METTL2A: variants seen among roughly 807,000 people sequenced by gnomAD.
METTL2A encodes tRNA N(3)-cytidine methyltransferase METTL2A.
A neutral mutation model predicts 49.4 loss-of-function variants in METTL2A; 45 were observed. The observed-to-expected ratio is 0.91, with a 90% CI of 0.72 to 1.17. The LOEUF is 1.17. METTL2A is among the 50% of genes most tolerant of loss of function. The pLI is 0.00. For missense variants in METTL2A, 361 were observed against 462.2 expected (o/e 0.78, Z 2.01); for synonymous variants, 118 against 167.5 (o/e 0.70, Z 2.28).
intron 4 of METTL2A, among the ~76,000 whole-genome samples, chr17:62,428,369 G>A (rs958317438): frequency 1.3e-5 from 2 of 152,194 alleles, no homozygotes; most frequent in Non-Finnish European, 2.9e-5. Flanking sequence ...AATGTGCGGG[G>A]TTTTTGCCAA....
chr17:62,426,283 T>C lies in METTL2A; in HGVS notation c.203-16T>C, dbSNP rs769011137. 2 of 1,538,794 alleles carry C rather than the reference T, an allele frequency of 1.3e-6. No individual in the cohort carries two copies. The highest frequency in any genetic ancestry group is 1.2e-5 in the South Asian group (1 of 83,984). On this transcript the variant is annotated splice_polypyrimidine_tract_variant and intron_variant, in intron 2 of 8. Transcript: ENST00000311506. ...TTGAGAGCTGGTTCTTAAAATTTTT[T>C]CTTAAATATTTACAGTTGATTATGA...
At chr17:62,445,091 A>G (rs2070760167) in intron 7 of METTL2A, 148 bp downstream of exon 7, 1 of 837,044 alleles carries the variant, frequency 1.2e-6, no homozygotes, top group Admixed American at 2.4e-5. Flanking sequence ...GGAGTTGAAC[A>G]ATGAGAACAC....
At chr17:62,428,323 G>A (rs2070642200) in intron 4 of METTL2A, among the ~76,000 whole-genome samples, 1 of 152,154 alleles carries the variant, frequency 6.6e-6, no homozygotes, top group East Asian at 1.9e-4. Flanking sequence ...AAAACACACT[G>A]GTTTTGTGTA....
chr17:62,427,176 G>A (rs1416122362), intron 3 of METTL2A, among the ~76,000 whole-genome samples: 5 of 152,126 alleles, frequency 3.3e-5, no homozygotes, highest in East Asian at 1.9e-4. Context: ...TGGGGACTGC[G>A]CACGTTACTG....
At chr17:62,437,989 T>C in intron 5 of METTL2A, among the ~76,000 whole-genome samples, 1 of 145,658 alleles carries the variant, frequency 6.9e-6, no homozygotes, top group African/African-American at 2.7e-5. Context: ...AAAAAATGTG[T>C]CTGTTACAAT....
At chr17:62,442,878 T>C (rs757511518) in intron 6 of METTL2A, among the ~76,000 whole-genome samples, 15 of 152,160 alleles carry the variant, frequency 9.9e-5, no homozygotes, top group East Asian at 1.9e-4. Context: ...GGACCAGTGA[T>C]TGAGATCCTG....
At position 62,448,720 on chromosome 17, in the gene METTL2A, CA is replaced by C. The variant is rs1403628549; in HGVS notation, c.1129del (p.Thr377ProfsTer41). 2 of 1,613,958 alleles carry C rather than the reference CA, an allele frequency of 1.2e-6. No homozygotes were observed. The highest frequency in any genetic ancestry group is 2.2e-5 in the East Asian group (1 of 44,872). ...AATACTGCAAGCCCCTTCTGTCCAG[CA>C]CCAGCTGAGAGGCACCTGCTGCCAA... ...CKYCKPLLSS[T>X]S On this transcript the variant is annotated frameshift_variant, in exon 9 of 9. Coordinates refer to ENST00000311506, the MANE Select transcript of METTL2A (RefSeq NM_181725.4). LOFTEE classifies it high-confidence loss of function.
rs572866878 is a variant in METTL2A, at chr17:62,430,530, C to T, written c.608+2693C>T. On this transcript the variant is annotated intron_variant, in intron 4 of 8. Coordinates refer to ENST00000311506, the MANE Select transcript of METTL2A (RefSeq NM_181725.4). ...CCCTATAAAGTATGTCCTCTTATCCCTCAGTGCACTGGTCACACCTTGCAT... is the reference window on the plus strand; with the variant it reads ...CCCTATAAAGTATGTCCTCTTATCCTTCAGTGCACTGGTCACACCTTGCAT... Among the ~76,000 whole-genome samples, 14 of 152,262 alleles carry T rather than the reference C, an allele frequency of 9.2e-5. No homozygotes were observed. The South Asian group carries it at 1.4e-3, about 16-fold the overall frequency.
rs2070790278 is a variant in METTL2A at position 62,449,292 on chromosome 17, T to C, written c.*563T>C. On this transcript the variant is annotated 3_prime_UTR_variant, in exon 9 of 9. Transcript: ENST00000311506. The stretch of plus-strand genomic sequence containing the variant: ...CATACAGAGGTTAGTGAAGGGCTTA[T>C]TAAGTTGTAGGGGAAGCAAGCTGGG... 5.2e-6 allele frequency: 2 copies of C among 384,214 alleles called. No individual in the cohort carries two copies. Among genetic ancestry groups the C allele is most frequent in the South Asian group, 3.8e-5 (2 of 52,232 alleles). The allele number at this position is 384,214 out of a possible 1,614,324, so 23.8% of individuals were successfully genotyped here. A position where few individuals can be genotyped will look rare whatever the true frequency, so the allele number is the denominator to read the frequency against.
intron 4 of METTL2A, among the ~76,000 whole-genome samples, chr17:62,430,008 C>G (rs780852891): frequency 5.9e-5 from 9 of 152,212 alleles, no homozygotes; most frequent in Non-Finnish European, 1.0e-4. Flanking sequence ...AAATGACATT[C>G]CAGTTCTGTA....
chr17:62,442,001 G>T (rs543315883), intron 6 of METTL2A, among the ~76,000 whole-genome samples: 1 of 151,764 alleles, frequency 6.6e-6, no homozygotes, highest in Non-Finnish European at 1.5e-5. Flanking sequence ...TGATCCGCCC[G>T]CCACGGCCTC....
At chr17:62,437,011 C>T (rs946381957) in intron 5 of METTL2A, among the ~76,000 whole-genome samples, 3 of 151,746 alleles carry the variant, frequency 2.0e-5, no homozygotes, top group Non-Finnish European at 2.9e-5. Flanking sequence ...TTTGCCCAAC[C>T]GTAAGAAGCA....
intron 4 of METTL2A, 89 bp from the exon 5 acceptor site, chr17:62,435,143 A>T: frequency 6.4e-7 from 1 of 1,554,676 alleles, no homozygotes; most frequent in Non-Finnish European, 8.8e-7. Flanking sequence ...AGTTTTTCCC[A>T]TTTGATATTT....
At chr17:62,441,635 CG>C (rs1297711158) in intron 6 of METTL2A, among the ~76,000 whole-genome samples, 1 of 151,182 alleles carries the variant, frequency 6.6e-6, no homozygotes, top group Non-Finnish European at 1.5e-5. Context: ...TTAGTAGATG[CG>C]GGGTTTCACC....
In METTL2A at chr17:62,452,730, C is replaced by T. The variant is rs796601652; in HGVS notation, c.*4001C>T. Among the ~76,000 whole-genome samples, 4 of 152,296 alleles carry T rather than the reference C, an allele frequency of 2.6e-5. No homozygotes were observed. The highest frequency in any genetic ancestry group is 9.6e-5 in the African/African-American group (4 of 41,576). On this transcript the variant is annotated 3_prime_UTR_variant, in exon 9 of 9. Transcript: ENST00000311506. The stretch of plus-strand genomic sequence containing the variant: ...CCAGGCTCAGGTGATTCTCCCACCC[C>T]AGCCTCCCAAGTAGATGGGACTACA...
chr17:62,447,377 G>A (rs1329510361), intron 7 of METTL2A, among the ~76,000 whole-genome samples: 2 of 152,082 alleles, frequency 1.3e-5, no homozygotes, highest in African/African-American at 2.4e-5. Context: ...CCGAGGTCAC[G>A]CCATTGCACC....
At position 62,451,290 on chromosome 17, in the gene METTL2A, G is replaced by C. The variant is rs2144164599; in HGVS notation, c.*2561G>C. ...GCCTCCCAAGTAGCTGGAATTACAG[G>C]CATGTGCCACCATTCCCGGCTAATT... On this transcript the variant is annotated 3_prime_UTR_variant, in exon 9 of 9. Coordinates refer to ENST00000311506, the MANE Select transcript of METTL2A (RefSeq NM_181725.4). Among the ~76,000 whole-genome samples, 1 of 151,928 alleles carries C rather than the reference G, an allele frequency of 6.6e-6. No homozygotes were observed. The highest frequency in any genetic ancestry group is 1.5e-5 in the Non-Finnish European group (1 of 67,914).
chr17:62,431,696 T>G (rs2070666642), intron 4 of METTL2A, among the ~76,000 whole-genome samples: 1 of 152,062 alleles, frequency 6.6e-6, no homozygotes, highest in South Asian at 2.1e-4. Flanking sequence ...AATACAGTGG[T>G]TTTTTTGTTT....
At chr17:62,435,552 A>G (rs550680471) in intron 5 of METTL2A, among the ~76,000 whole-genome samples, 1 of 152,280 alleles carries the variant, frequency 6.6e-6, no homozygotes, top group East Asian at 1.9e-4. Flanking sequence ...TTTCTCCACC[A>G]CCATATGCTC....
Sources: gnomAD v4.1 joint callset for allele counts (sites outside exome capture counted in the v4.1 genomes callset) on GRCh38, gnomAD v4.1.1 for gene constraint, MANE v1.5 for transcripts, NCBI Gene and HGNC (gene_info 2026-07-23, HGNC 2026-07-21) for gene names.